The following TTL variants were observed in gnomAD, a reference collection of about 807,000 sequenced individuals.
TTL encodes tubulin tyrosine ligase, also known as tubulin--tyrosine ligase.
A neutral mutation model predicts 41.1 loss-of-function variants in TTL; 10 were observed. The ratio of observed to expected loss-of-function variants is 0.24; its 90% CI spans 0.15 to 0.41. The LOEUF is 0.41. Among genes scored for constraint, TTL ranks in the 10% least tolerant of loss-of-function variants. The probability of loss-of-function intolerance (pLI) is 1.00; values close to 1 mark genes in which losing one functional copy is unlikely to be tolerated. For synonymous variants in TTL, 175 were observed against 175.5 expected, an observed-to-expected ratio of 1.00 and a Z score of 0.02; for missense variants, 367 against 460.4, an observed-to-expected ratio of 0.80 and a Z score of 1.86.
At chr2:112,500,172 G>A (rs1681651472) in intron 3 of TTL, among the ~76,000 whole-genome samples, 1 of 152,046 alleles carries the variant, frequency 6.6e-6, no homozygotes, top group African/African-American at 2.4e-5. Context: ...CATAGATACA[G>A]AAAGTAGATT....
chr2:112,492,450 G>T (rs1054923800), intron 2 of TTL, among the ~76,000 whole-genome samples: 1 of 151,856 alleles, frequency 6.6e-6, no homozygotes, highest in Non-Finnish European at 1.5e-5. Context: ...CTGGGTGTGG[G>T]CCGGGCGCGG....
intron 6 of TTL, among the ~76,000 whole-genome samples, chr2:112,528,142 C>G (rs991186648): frequency 6.6e-6 from 1 of 152,120 alleles, no homozygotes; most frequent in South Asian, 2.1e-4. Context: ...ATATTGGCCC[C>G]CACTCTCTTC....
chr2:112,526,804 C>A (rs1008302511), intron 6 of TTL, among the ~76,000 whole-genome samples: 8 of 152,224 alleles, frequency 5.3e-5, no homozygotes, highest in Non-Finnish European at 1.2e-4. Context: ...CTGCTCTGAT[C>A]TTAGTTATTT....
chr2:112,487,094 T>TGC (rs1301486807), intron 2 of TTL, among the ~76,000 whole-genome samples: 2 of 152,224 alleles, frequency 1.3e-5, no homozygotes. Flanking sequence ...ATTCTTTCCA[T>TGC]GATGACTGGT....
chr2:112,520,619 A>G (rs1682199127), intron 6 of TTL, 194 bp downstream of exon 6: 1 of 459,048 alleles, frequency 2.2e-6, no homozygotes, highest in African/African-American at 2.3e-5. Context: ...TGTATAGGCC[A>G]GATAGGCCCA....
In TTL at chr2:112,517,351, G is replaced by A. The variant is rs183905503; in HGVS notation, c.876-2931G>A. On this transcript the variant is annotated intron_variant, in intron 5 of 6. Coordinates refer to ENST00000233336, the MANE Select transcript of TTL (RefSeq NM_153712.5). ...CAACCTCTGCCTCCCGGGTTTGAGCGATTCTCCTGCCTTAGCCTCCCGACT... is the reference window on the plus strand; with the variant it reads ...CAACCTCTGCCTCCCGGGTTTGAGCAATTCTCCTGCCTTAGCCTCCCGACT... Among the ~76,000 whole-genome samples, 726 of 151,914 alleles carry A rather than the reference G, an allele frequency of 4.8e-3. 5 individuals carry two copies. Among genetic ancestry groups the A allele is most frequent in the African/African-American group, 0.017 (698 of 41,452 alleles).
At chr2:112,487,261 T>C (rs565965140) in intron 2 of TTL, among the ~76,000 whole-genome samples, 8 of 152,294 alleles carry the variant, frequency 5.3e-5, no homozygotes, top group Admixed American at 5.2e-4. Context: ...GTAACTTATG[T>C]ACCCACTCCT....
chr2:112,484,159 C>T (rs1316175191), intron 1 of TTL, among the ~76,000 whole-genome samples: 3 of 151,626 alleles, frequency 2.0e-5, no homozygotes, highest in East Asian at 1.9e-4. Context: ...CAGAAGCCTC[C>T]AGAATTTGAA....
In TTL at chr2:112,541,297, A is replaced by G. The variant is rs1375054902; in HGVS notation, c.*12502A>G. 2 of 152,190 alleles carry G rather than the reference A, an allele frequency of 1.3e-5. No individual in the cohort carries two copies. Among genetic ancestry groups the G allele is most frequent in the African/African-American group, 2.4e-5 (1 of 41,432 alleles). 9.4% of individuals were successfully genotyped at this position (152,190 alleles called of 1,614,324 possible). Reference sequence around the variant, plus strand: ...TAAAAACCCACAGAATGGGAGAAAAATATTTGCAAATCATGGATCTGACAA... The same window carrying G: ...TAAAAACCCACAGAATGGGAGAAAAGTATTTGCAAATCATGGATCTGACAA... On this transcript the variant is annotated 3_prime_UTR_variant, in exon 7 of 7. Transcript: ENST00000233336.
intron 2 of TTL, among the ~76,000 whole-genome samples, chr2:112,492,021 G>C (rs1425752478): frequency 6.6e-6 from 1 of 152,024 alleles, no homozygotes; most frequent in Non-Finnish European, 1.5e-5. Context: ...AGTCCCAATT[G>C]TGGTATTTGT....
chr2:112,519,963 T>G (rs900086179), intron 5 of TTL, among the ~76,000 whole-genome samples: 2 of 151,792 alleles, frequency 1.3e-5, no homozygotes, highest in Admixed American at 6.6e-5. Flanking sequence ...AAACCCTGTT[T>G]CTACTGAAAA....
intron 1 of TTL, 42 bp from the exon 2 acceptor site, chr2:112,485,875 C>T (rs756856988): frequency 2.0e-6 from 3 of 1,515,522 alleles, no homozygotes; most frequent in Non-Finnish European, 2.7e-6. Context: ...CTCCTGCTTG[C>T]TGTGTCCTGT....
At chr2:112,502,643 A>G (rs1367736283) in intron 4 of TTL, among the ~76,000 whole-genome samples, 1 of 134,974 alleles carries the variant, frequency 7.4e-6, no homozygotes, top group African/African-American at 2.8e-5. Flanking sequence ...ATCTCAAAAA[A>G]AAAAAAAAAA....
intron 5 of TTL, among the ~76,000 whole-genome samples, chr2:112,517,988 C>T (rs974831942): frequency 1.3e-4 from 19 of 151,344 alleles, no homozygotes; most frequent in Admixed American, 1.1e-3. Context: ...CTCTGTTTCC[C>T]AGGCTGGAGT....
intron 1 of TTL, among the ~76,000 whole-genome samples, chr2:112,484,100 G>C (rs1681168316): frequency 6.6e-6 from 1 of 152,148 alleles, no homozygotes; most frequent in South Asian, 2.1e-4. Context: ...CCCAGGCAGA[G>C]GTAGGAGTGA....
intron 6 of TTL, chr2:112,521,195 G>C: frequency 1.0e-6 from 1 of 985,336 alleles, no homozygotes; most frequent in Non-Finnish European, 1.2e-6. Flanking sequence ...CGTCCTGTGG[G>C]CTCTCACCCT....
At chr2:112,519,880 C>T (rs560154833) in intron 5 of TTL, among the ~76,000 whole-genome samples, 1 of 152,100 alleles carries the variant, frequency 6.6e-6, no homozygotes, top group Non-Finnish European at 1.5e-5. Flanking sequence ...CCTGTAATCC[C>T]AGCACTTTGG....
intron 1 of TTL, chr2:112,483,359 C>G (rs1371374519): frequency 6.6e-6 from 1 of 152,254 alleles, no homozygotes; most frequent in Admixed American, 6.5e-5. Context: ...AACTCACATC[C>G]TATTGACCTG....
At position 112,482,420 on chromosome 2, in the gene TTL, C is replaced by T. The variant is rs368755689; in HGVS notation, c.76C>T (p.His26Tyr). 4 of 1,609,908 alleles carry T rather than the reference C, an allele frequency of 2.5e-6. No individual in the cohort carries two copies. Among genetic ancestry groups the T allele is most frequent in the South Asian group, 1.1e-5 (1 of 90,150 alleles). Residue 26 changes from histidine (H) to tyrosine (Y), a missense_variant, in exon 1 of 7, where the codon CAC (histidine) becomes TAC (tyrosine). Coordinates refer to ENST00000233336, the MANE Select transcript of TTL (RefSeq NM_153712.5). This position sits in a 1 kb window ranked among gnomAD's most constrained non-coding sequence, Gnocchi z 5.3. ...EVSRLLLATGHWKRLRRDNPR... is the reference protein window; with the variant it reads ...EVSRLLLATGYWKRLRRDNPR... Reference sequence around the variant, plus strand: ...CTCCCGGCTGCTCCTCGCCACCGGCCACTGGAAGAGGCTGCGGCGAGACAA... The same window carrying T: ...CTCCCGGCTGCTCCTCGCCACCGGCTACTGGAAGAGGCTGCGGCGAGACAA...
Sources: gnomAD v4.1 joint callset for allele counts (sites outside exome capture counted in the v4.1 genomes callset) on GRCh38, gnomAD v4.1.1 for gene constraint, Gnocchi (gnomAD v3.1) non-coding constraint, MANE v1.5 for transcripts, NCBI Gene and HGNC (gene_info 2026-07-23, HGNC 2026-07-21) for gene names.